SCRG1: variants seen among roughly 807,000 people sequenced by gnomAD.
SCRG1 encodes scrapie-responsive protein 1.
In SCRG1, 3 loss-of-function variants were observed where a neutral mutation model predicts 7.7. The observed-to-expected ratio is 0.39, with a 90% confidence interval of 0.18 to 1.01. The LOEUF (loss-of-function observed/expected upper bound fraction) is 1.01, where lower values mean the gene tolerates loss of function less well. Among genes scored for constraint, SCRG1 ranks in the 50% least tolerant of loss-of-function variants. SCRG1 has a pLI of 0.36. For synonymous variants in SCRG1, 46 were observed against 41.2 expected, an observed-to-expected ratio of 1.12 and a Z score of -0.44; for missense variants, 110 against 117.2, an observed-to-expected ratio of 0.94 and a Z score of 0.28.
the SCRG1 span, among the ~76,000 whole-genome samples, chr4:173,485,831 G>A: frequency 1.3e-5 from 2 of 151,998 alleles, no homozygotes; most frequent in African/African-American, 2.4e-5. Context: ...TTAGCCAGGT[G>A]TGGTGGCACA....
At chr4:173,513,765 C>G in the SCRG1 span, among the ~76,000 whole-genome samples, 2 of 152,176 alleles carry the variant, frequency 1.3e-5, no homozygotes, top group African/African-American at 4.8e-5. Context: ...ACTGGAGCAA[C>G]CTGCATTATT....
the SCRG1 span, among the ~76,000 whole-genome samples, chr4:173,412,509 C>G: frequency 6.6e-6 from 1 of 152,140 alleles, no homozygotes; most frequent in Non-Finnish European, 1.5e-5. Flanking sequence ...GTGATGCTGC[C>G]CTTGCTGATA....
chr4:173,495,587 G>A, the SCRG1 span, among the ~76,000 whole-genome samples: 1 of 152,216 alleles, frequency 6.6e-6, no homozygotes, highest in Admixed American at 6.5e-5. Context: ...TGTTTACAAA[G>A]ACTTTTGCAT....
the SCRG1 span, among the ~76,000 whole-genome samples, chr4:173,447,233 G>T: frequency 6.6e-6 from 1 of 152,124 alleles, no homozygotes; most frequent in South Asian, 2.1e-4. Flanking sequence ...GTCCTCACAT[G>T]GTGAAAAGAG....
intron 1 of SCRG1, among the ~76,000 whole-genome samples, chr4:173,395,246 C>A (rs898443308): frequency 6.6e-6 from 1 of 152,064 alleles, no homozygotes. Context: ...CTCATTAGAC[C>A]GAAGGCTCCA....
At chr4:173,494,259 C>G in the SCRG1 span, among the ~76,000 whole-genome samples, 4 of 152,144 alleles carry the variant, frequency 2.6e-5, no homozygotes, top group Middle Eastern at 3.2e-3. Flanking sequence ...GCACCTTAAC[C>G]TCTTTTGGCT....
the SCRG1 span, among the ~76,000 whole-genome samples, chr4:173,506,868 G>T: frequency 6.6e-6 from 1 of 152,148 alleles, no homozygotes; most frequent in Non-Finnish European, 1.5e-5. The surrounding 1 kb of genome is among the most constrained non-coding windows in gnomAD (Gnocchi z 5.3). Flanking sequence ...GTCTGGGAGC[G>T]AGTGGTTCGA....
the SCRG1 span, among the ~76,000 whole-genome samples, chr4:173,417,477 C>CA: frequency 6.6e-6 from 1 of 151,914 alleles, no homozygotes; most frequent in Non-Finnish European, 1.5e-5. Flanking sequence ...TGGAAAAAGA[C>CA]AAAAAAAGAA....
chr4:173,395,107 C>T (rs1739566477), intron 1 of SCRG1, among the ~76,000 whole-genome samples: 1 of 152,112 alleles, frequency 6.6e-6, no homozygotes, highest in African/African-American at 2.4e-5. Flanking sequence ...AAATGTCATT[C>T]CTTCAATGGC....
chr4:173,439,138 CAG>C, the SCRG1 span, among the ~76,000 whole-genome samples: 3 of 152,134 alleles, frequency 2.0e-5, no homozygotes, highest in African/African-American at 7.2e-5. Flanking sequence ...TTGAAAATGG[CAG>C]AGTCACAAGA....
chr4:173,469,441 T>C, the SCRG1 span: 1 of 152,300 alleles, frequency 6.6e-6, no homozygotes, highest in East Asian at 1.9e-4. Flanking sequence ...ATCTTCCAAC[T>C]GTTTAATGTA....
At chr4:173,508,907 T>G in the SCRG1 span, among the ~76,000 whole-genome samples, 2 of 152,326 alleles carry the variant, frequency 1.3e-5, no homozygotes, top group East Asian at 3.9e-4. This position sits in a 1 kb window ranked among gnomAD's most constrained non-coding sequence, Gnocchi z 4.4. Context: ...TTAGAAAGCT[T>G]GTCCCTGCAC....
chr4:173,415,911 C>T, the SCRG1 span, among the ~76,000 whole-genome samples: 4 of 152,292 alleles, frequency 2.6e-5, no homozygotes, highest in East Asian at 7.7e-4. Context: ...CTTAAAGCAC[C>T]ACCAATAAAA....
At chr4:173,502,664 G>C in the SCRG1 span, among the ~76,000 whole-genome samples, 1 of 152,166 alleles carries the variant, frequency 6.6e-6, no homozygotes, top group Non-Finnish European at 1.5e-5. The surrounding 1 kb of genome is among the most constrained non-coding windows in gnomAD (Gnocchi z 4.6). Context: ...TCACTGGCCT[G>C]TTGCATCCCC....
the SCRG1 span, among the ~76,000 whole-genome samples, chr4:173,467,418 C>G: frequency 6.6e-6 from 1 of 152,088 alleles, no homozygotes; most frequent in Admixed American, 6.6e-5. Context: ...AGCACACAGG[C>G]AAAGCAGTCA....
chr4:173,506,245 C>T, the SCRG1 span, among the ~76,000 whole-genome samples: 1 of 152,142 alleles, frequency 6.6e-6, no homozygotes, highest in Non-Finnish European at 1.5e-5. This position sits in a 1 kb window ranked among gnomAD's most constrained non-coding sequence, Gnocchi z 5.3. Flanking sequence ...GACGTAGGCC[C>T]TACAGCTTAA....
At chr4:173,441,155 T>C in the SCRG1 span, among the ~76,000 whole-genome samples, 1 of 152,192 alleles carries the variant, frequency 6.6e-6, no homozygotes, top group African/African-American at 2.4e-5. Flanking sequence ...AGCTGAGCTG[T>C]ATCCTGAAGG....
the SCRG1 span, among the ~76,000 whole-genome samples, chr4:173,490,500 G>T: frequency 6.6e-6 from 1 of 152,128 alleles, no homozygotes; most frequent in East Asian, 1.9e-4. Context: ...CAACTAGCCA[G>T]GCCCTGCGGG....
the SCRG1 span, among the ~76,000 whole-genome samples, chr4:173,412,661 G>A: frequency 6.6e-6 from 1 of 152,106 alleles, no homozygotes; most frequent in South Asian, 2.1e-4. Flanking sequence ...ATCAGAAAAC[G>A]CCCTCAGTTT....
Sources: allele counts gnomAD v4.1 joint callset (sites outside exome capture counted in the v4.1 genomes callset), GRCh38; gene constraint gnomAD v4.1.1; non-coding constraint Gnocchi (gnomAD v3.1); transcripts MANE v1.5; gene names NCBI Gene and HGNC (gene_info 2026-07-23, HGNC 2026-07-21).